ADGRL3: variants seen among roughly 807,000 people sequenced by gnomAD.
ADGRL3 encodes the protein adhesion G protein-coupled receptor L3.
Under a neutral mutation model 153.5 loss-of-function variants are expected in ADGRL3, and 62 were observed. That is an observed-to-expected ratio of 0.40 (90% CI 0.33 to 0.50). The LOEUF (loss-of-function observed/expected upper bound fraction) is 0.50. Ranked by LOEUF, ADGRL3 falls within the 20% of genes least tolerant of loss-of-function variation. The probability of loss-of-function intolerance (pLI) is 0.47; values close to 1 mark genes in which losing one functional copy is unlikely to be tolerated. For missense variants in ADGRL3, 1,641 were observed against 1,859.4 expected (o/e 0.88, Z 2.16); for synonymous variants, 710 against 672.5 (o/e 1.06, Z -0.86).
intron 1 of ADGRL3, among the ~76,000 whole-genome samples, chr4:61,344,277 C>CAT (rs1275936308): frequency 6.6e-6 from 1 of 151,944 alleles, no homozygotes; most frequent in Admixed American, 6.6e-5. Context: ...TTTGCCACTG[C>CAT]ATATATATAA....
At chr4:61,448,816 G>GA (rs1196063724) in intron 2 of ADGRL3, among the ~76,000 whole-genome samples, 3 of 109,574 alleles carry the variant, frequency 2.7e-5, no homozygotes, top group Admixed American at 1.2e-4. Flanking sequence ...GGGAGGGAAG[G>GA]AAGGAAGGAA....
chr4:61,389,389 G>C (rs959614029), intron 2 of ADGRL3, among the ~76,000 whole-genome samples: 1 of 152,152 alleles, frequency 6.6e-6, no homozygotes, highest in African/African-American at 2.4e-5. Context: ...GAGCAGTGTA[G>C]GGAGCAGAAT....
rs535498980 is a variant in ADGRL3, at chr4:61,319,821, T to A, written c.-239-63303T>A. On this transcript the variant is annotated intron_variant, in intron 1 of 26. Transcript: ENST00000683033. ...GGTAAGGTGCTTCTGTCTAATTCTC[T>A]TACATTTTACATATAAAATCTATTA... is the stretch of plus-strand genomic sequence containing the variant. Among the ~76,000 whole-genome samples the A allele has an allele frequency of 2.1e-3, 317 of 152,324 alleles. 2 individuals carry two copies. The highest frequency in any genetic ancestry group is 2.9e-3 in the Non-Finnish European group (198 of 68,028).
intron 8 of ADGRL3, among the ~76,000 whole-genome samples, chr4:61,756,706 A>G (rs950844385): frequency 2.0e-5 from 3 of 152,168 alleles, no homozygotes; most frequent in African/African-American, 7.2e-5. Flanking sequence ...CCGGTTTCCA[A>G]AGGGAATGCT....
chr4:61,893,776 G>A (rs900215243), intron 10 of ADGRL3, among the ~76,000 whole-genome samples: 4 of 127,768 alleles, frequency 3.1e-5, no homozygotes, highest in African/African-American at 1.2e-4. Flanking sequence ...GCAGCAGCAT[G>A]ATCTCGGCTT....
Position 61,723,633 on chromosome 4 carries a change from G to A in ADGRL3, c.584-6989G>A, listed in dbSNP as rs190872100. Among the ~76,000 whole-genome samples the A allele has an allele frequency of 1.2e-3, 177 of 152,156 alleles. 2 individuals are homozygous for A. Among genetic ancestry groups the A allele is most frequent in the African/African-American group, 3.9e-3 (162 of 41,510 alleles). On this transcript the variant is annotated intron_variant, in intron 6 of 26. Transcript: ENST00000683033. ...GCCATTTAATGTACAGATGCAGGTCGCCATGATGTCTTGCACAGGTGGTGT... is the reference window on the plus strand; with the variant it reads ...GCCATTTAATGTACAGATGCAGGTCACCATGATGTCTTGCACAGGTGGTGT...
chr4:61,750,876 G>A (rs1197778300), intron 8 of ADGRL3, among the ~76,000 whole-genome samples: 1 of 152,054 alleles, frequency 6.6e-6, no homozygotes, highest in Non-Finnish European at 1.5e-5. Flanking sequence ...GAATCTTGAA[G>A]TGGAATCTGG....
At chr4:61,769,487 GAC>G (rs887694879) in intron 8 of ADGRL3, among the ~76,000 whole-genome samples, 3 of 104,534 alleles carry the variant, frequency 2.9e-5, no homozygotes, top group African/African-American at 8.8e-5. Context: ...AGAGCAGGAG[GAC>G]AGGGGATTGA....
At chr4:61,370,725 T>G (rs1394951740) in intron 1 of ADGRL3, among the ~76,000 whole-genome samples, 1 of 151,418 alleles carries the variant, frequency 6.6e-6, no homozygotes, top group Non-Finnish European at 1.5e-5. Context: ...GGGTGGAGAG[T>G]TCTGTAGATG....
intron 2 of ADGRL3, among the ~76,000 whole-genome samples, chr4:61,393,683 T>C (rs1019290454): frequency 2.6e-5 from 4 of 152,196 alleles, no homozygotes; most frequent in African/African-American, 9.6e-5. Flanking sequence ...TTAAAAATAT[T>C]ACTTTTACTT....
At chr4:61,696,992 T>G (rs188868360) in intron 6 of ADGRL3, among the ~76,000 whole-genome samples, 46 of 152,096 alleles carry the variant, frequency 3.0e-4, no homozygotes, top group African/African-American at 1.0e-3. Context: ...CTCCAAGTTC[T>G]ATGTGGTCAG....
At chr4:62,052,608 C>T (rs376981632) in intron 25 of ADGRL3, among the ~76,000 whole-genome samples, 1 of 151,420 alleles carries the variant, frequency 6.6e-6, no homozygotes, top group South Asian at 2.1e-4. Context: ...AGAAGAATTT[C>T]ATTGTCATTC....
chr4:61,491,758 T>C (rs1560722775), intron 2 of ADGRL3, among the ~76,000 whole-genome samples: 2 of 152,128 alleles, frequency 1.3e-5, no homozygotes, highest in East Asian at 1.9e-4. Context: ...ATATTATTTT[T>C]ACCATTTTAT....
intron 25 of ADGRL3, chr4:62,063,582 G>A (rs1037617330): frequency 4.3e-6 from 3 of 698,998 alleles, no homozygotes; most frequent in South Asian, 3.0e-5. Flanking sequence ...TACATTGCTT[G>A]GGGAACCGGC....
At chr4:61,626,863 C>G (rs1028238905) in intron 5 of ADGRL3, among the ~76,000 whole-genome samples, 2 of 152,064 alleles carry the variant, frequency 1.3e-5, no homozygotes, top group Non-Finnish European at 2.9e-5. Context: ...TCAGACGCTT[C>G]AGTGTATCTG....
chr4:61,889,200 A>G (rs1365346758), intron 9 of ADGRL3, among the ~76,000 whole-genome samples: 1 of 152,216 alleles, frequency 6.6e-6, no homozygotes, highest in East Asian at 1.9e-4. Context: ...GTCTTGGTAA[A>G]TTTGAAAAGG....
intron 2 of ADGRL3, among the ~76,000 whole-genome samples, chr4:61,436,878 G>T (rs1199149999): frequency 1.3e-5 from 1 of 75,288 alleles, no homozygotes; most frequent in Non-Finnish European, 3.0e-5. Flanking sequence ...TTAAATGTGT[G>T]GTACTTGATA....
chr4:61,525,933 T>C (rs954330969), intron 4 of ADGRL3, among the ~76,000 whole-genome samples: 1 of 152,092 alleles, frequency 6.6e-6, no homozygotes, highest in Non-Finnish European at 1.5e-5. Flanking sequence ...AAGCGATCAT[T>C]AGTGATAAAA....
chr4:61,226,105 C>G (rs868768951), intron 1 of ADGRL3, among the ~76,000 whole-genome samples: 10 of 152,050 alleles, frequency 6.6e-5, no homozygotes, highest in Admixed American at 3.9e-4. Flanking sequence ...TCACTTTGCC[C>G]AACTTAAATT....
Sources: allele counts gnomAD v4.1 joint callset (sites outside exome capture counted in the v4.1 genomes callset), GRCh38; gene constraint gnomAD v4.1.1; transcripts MANE v1.5; gene names NCBI Gene and HGNC (gene_info 2026-07-23, HGNC 2026-07-21).